ST8SIA6: variants seen among roughly 807,000 people sequenced by gnomAD.
The protein encoded by ST8SIA6 is alpha-2,8-sialyltransferase 8F.
In ST8SIA6, 39 loss-of-function variants were observed where a neutral mutation model predicts 33.6. That is an observed-to-expected ratio of 1.16 (90% CI 0.90 to 1.52). The LOEUF is 1.52. Ranked by LOEUF, ST8SIA6 falls within the 40% of genes most tolerant of loss-of-function variation. The pLI is 0.00. For synonymous variants in ST8SIA6, 172 were observed against 167.2 expected (o/e 1.03, Z -0.22); for missense variants, 441 against 443.8 (o/e 0.99, Z 0.06).
At chr10:17,367,989 C>T (rs552764390) in intron 3 of ST8SIA6, among the ~76,000 whole-genome samples, 16 of 152,136 alleles carry the variant, frequency 1.1e-4, no homozygotes, top group South Asian at 4.1e-4. Flanking sequence ...ATTACGTATC[C>T]GTACAGCACT....
intron 3 of ST8SIA6, among the ~76,000 whole-genome samples, chr10:17,382,763 C>T (rs189083162): frequency 1.4e-3 from 217 of 152,302 alleles, no homozygotes; most frequent in Non-Finnish European, 2.7e-3. Flanking sequence ...TATTCAACAC[C>T]TCAAGGCCCA....
At chr10:17,334,014 C>A (rs1293762096) in intron 4 of ST8SIA6, among the ~76,000 whole-genome samples, 2 of 149,880 alleles carry the variant, frequency 1.3e-5, no homozygotes, top group Non-Finnish European at 3.0e-5. Context: ...AGCCACTGCA[C>A]CTGGTTTTTT....
In ST8SIA6 at chr10:17,359,587, C is replaced by T. The variant is rs764563104; in HGVS notation, c.304G>A (p.Asp102Asn). The T allele has an allele frequency of 8.8e-6, 14 of 1,598,556 alleles. No homozygotes were observed. The highest frequency in any genetic ancestry group is 1.7e-4 in the Middle Eastern group (1 of 6,036). The change falls in exon 4 of 8, where the codon GAC becomes AAC. Residue 102 changes from aspartate (D) to asparagine (N), a missense_variant. Coordinates refer to ENST00000377602, the MANE Select transcript of ST8SIA6 (RefSeq NM_001004470.3). ...SNKTKGYSEN[D>N]YLQIITDIQS... ...ATATCTGTGATAATCTGAAGGTAGT[C>T]GTTCTCTGAATACCTAAAAATTAAA... is the stretch of plus-strand genomic sequence containing the variant.
chr10:17,432,472 C>T (rs536803575), intron 2 of ST8SIA6, among the ~76,000 whole-genome samples: 3 of 151,798 alleles, frequency 2.0e-5, no homozygotes, highest in Non-Finnish European at 4.4e-5. Context: ...AAGAGACTAC[C>T]TGCGTTTATG....
chr10:17,327,130 G>T lies in ST8SIA6; in HGVS notation c.523-4C>A. 1.9e-6 allele frequency: 3 copies of T among 1,588,042 alleles called. No individual in the cohort carries two copies. The highest frequency in any genetic ancestry group is 2.6e-6 in the Non-Finnish European group (3 of 1,168,922). On this transcript the variant is annotated splice_region_variant and splice_polypyrimidine_tract_variant and intron_variant, in intron 5 of 7. Coordinates refer to ENST00000377602, the MANE Select transcript of ST8SIA6 (RefSeq NM_001004470.3). ...GGTAGTCCACAAAAGGCTGGGACTAGCAGGAGAAAGTGGAAAACTACCATG... is the reference window on the plus strand; with the variant it reads ...GGTAGTCCACAAAAGGCTGGGACTATCAGGAGAAAGTGGAAAACTACCATG...
chr10:17,378,340 C>G (rs1849989082), intron 3 of ST8SIA6, among the ~76,000 whole-genome samples: 1 of 152,166 alleles, frequency 6.6e-6, no homozygotes, highest in African/African-American at 2.4e-5. Context: ...TTGTCACTCT[C>G]AAGTTGAGAA....
intron 4 of ST8SIA6, among the ~76,000 whole-genome samples, chr10:17,346,040 T>G (rs1399491403): frequency 6.6e-6 from 1 of 152,240 alleles, no homozygotes; most frequent in South Asian, 2.1e-4. Flanking sequence ...GTGTTGTGGC[T>G]TCTGCCTGGA....
intron 4 of ST8SIA6, among the ~76,000 whole-genome samples, chr10:17,342,250 C>T (rs894189223): frequency 6.6e-6 from 1 of 152,146 alleles, no homozygotes; most frequent in African/African-American, 2.4e-5. Context: ...GGGGCTTGCC[C>T]TCTGGGAGCT....
intron 3 of ST8SIA6, among the ~76,000 whole-genome samples, chr10:17,374,074 C>CACAT (rs1849815435): frequency 1.3e-5 from 1 of 76,616 alleles, no homozygotes; most frequent in Admixed American, 1.1e-4. Flanking sequence ...ACAACCACCA[C>CACAT]ACACACACAC....
chr10:17,451,631 T>C (rs1192816731), intron 2 of ST8SIA6, among the ~76,000 whole-genome samples: 1 of 152,012 alleles, frequency 6.6e-6, no homozygotes, highest in African/African-American at 2.4e-5. Flanking sequence ...ATAAGAAGAG[T>C]TCATTAACTG....
intron 3 of ST8SIA6, among the ~76,000 whole-genome samples, chr10:17,362,935 C>T (rs1849440572): frequency 6.6e-6 from 1 of 152,154 alleles, no homozygotes; most frequent in African/African-American, 2.4e-5. Context: ...TGATCTCGAA[C>T]TCCTGACCTT....
intron 3 of ST8SIA6, among the ~76,000 whole-genome samples, chr10:17,377,292 C>T (rs1849951295): frequency 6.6e-6 from 1 of 152,168 alleles, no homozygotes; most frequent in Non-Finnish European, 1.5e-5. Context: ...CCCTCTCTCC[C>T]TTTGCTGACT....
rs1358971137 is a variant in ST8SIA6, at chr10:17,316,709, G to A, written c.*4169C>T. Among the ~76,000 whole-genome samples the A allele has an allele frequency of 1.3e-5, 2 of 152,046 alleles. No homozygotes were observed. Among genetic ancestry groups the A allele is most frequent in the Admixed American group, 6.6e-5 (1 of 15,258 alleles). On this transcript the variant is annotated 3_prime_UTR_variant, in exon 8 of 8. Coordinates refer to ENST00000377602, the MANE Select transcript of ST8SIA6 (RefSeq NM_001004470.3). Reference sequence around the variant, plus strand: ...TTCATTTGCATTTCTCAGGTTACTGGTAAATTTGAGTATCACTTCCTATTC... The same window carrying A: ...TTCATTTGCATTTCTCAGGTTACTGATAAATTTGAGTATCACTTCCTATTC...
chr10:17,396,862 C>G (rs1054837433), intron 2 of ST8SIA6, among the ~76,000 whole-genome samples: 1 of 152,196 alleles, frequency 6.6e-6, no homozygotes, highest in Non-Finnish European at 1.5e-5. Context: ...TCACCAAGTC[C>G]AAGAGCTATT....
chr10:17,447,568 A>G (rs1182241592), intron 2 of ST8SIA6, among the ~76,000 whole-genome samples: 2 of 152,152 alleles, frequency 1.3e-5, no homozygotes, highest in Non-Finnish European at 2.9e-5. Flanking sequence ...CAAGCTTATG[A>G]CCAAGAAAGA....
chr10:17,395,052 C>T (rs781366570), intron 2 of ST8SIA6, among the ~76,000 whole-genome samples: 1 of 152,054 alleles, frequency 6.6e-6, no homozygotes, highest in Non-Finnish European at 1.5e-5. Flanking sequence ...TGGGAAGGAC[C>T]CTGTCGGAGA....
chr10:17,421,855 C>G (rs1851789347), intron 2 of ST8SIA6, among the ~76,000 whole-genome samples: 1 of 152,336 alleles, frequency 6.6e-6, no homozygotes, highest in Admixed American at 6.5e-5. Flanking sequence ...GCAGGTGCCA[C>G]TGTGCCCGGC....
chr10:17,436,840 T>G (rs950401830), intron 2 of ST8SIA6, among the ~76,000 whole-genome samples: 12 of 152,080 alleles, frequency 7.9e-5, no homozygotes, highest in Non-Finnish European at 1.3e-4. Flanking sequence ...TTATAAAGGG[T>G]AGTTTTCCTG....
intron 3 of ST8SIA6, among the ~76,000 whole-genome samples, chr10:17,366,010 C>T (rs1444519): frequency 0.17 from 25,422 of 152,018 alleles, 2,268 homozygotes; most frequent in South Asian, 0.21. Context: ...ATTCTGCAAA[C>T]GAGTACAGTG....
Sources: allele counts gnomAD v4.1 joint callset (sites outside exome capture counted in the v4.1 genomes callset), GRCh38; gene constraint gnomAD v4.1.1; transcripts MANE v1.5; gene names NCBI Gene and HGNC (gene_info 2026-07-23, HGNC 2026-07-21).